Variants in C7orf57 observed in about 807,000 individuals in gnomAD.
C7orf57 encodes chromosome 7 open reading frame 57.
Under a neutral mutation model 39.0 loss-of-function variants are expected in C7orf57, and 33 were observed. The ratio of observed to expected loss-of-function variants is 0.85; its 90% confidence interval spans 0.64 to 1.13. The LOEUF is 1.13. Ranked by LOEUF, C7orf57 falls within the 50% of genes most tolerant of loss-of-function variation. The pLI, the probability that C7orf57 is intolerant of heterozygous loss-of-function variation, is 0.00. For synonymous variants in C7orf57, 124 were observed against 137.1 expected (o/e 0.90, Z 0.67); for missense variants, 346 against 362.3 (o/e 0.95, Z 0.37).
In C7orf57 at chr7:48,045,650, A is replaced by T. The variant is rs548043169; in HGVS notation, c.351-810A>T. 3.9e-5 allele frequency among the ~76,000 whole-genome samples: 6 copies of T among 152,202 alleles called. No homozygotes were observed. In the East Asian group the frequency reaches 9.7e-4, roughly 25 times the overall value. On this transcript the variant is annotated intron_variant, in intron 4 of 8. Coordinates refer to ENST00000348904, the MANE Select transcript of C7orf57 (RefSeq NM_001100159.3). ...GAGCCCTGAACAAGTACAAATGAGG[A>T]GCAGGACATGGGGGCATCCCTGCAG...
At chr7:48,047,290 A>G (rs1790745487) in intron 5 of C7orf57, among the ~76,000 whole-genome samples, 1 of 152,188 alleles carries the variant, frequency 6.6e-6, no homozygotes, top group African/African-American at 2.4e-5. Context: ...GTCTCAGATT[A>G]GTCTCAGTTC....
At position 48,035,553 on chromosome 7, in the gene C7orf57, G is replaced by C; in HGVS notation, c.-179G>C. ...GCGCGCTGGGAGTTTGGGTTTGGTT[G>C]GCTGCAGCCAGCCAGCCGTGTAAAA... is the stretch of plus-strand genomic sequence containing the variant. On this transcript the variant is annotated 5_prime_UTR_variant, in exon 1 of 9. Coordinates refer to ENST00000348904, the MANE Select transcript of C7orf57 (RefSeq NM_001100159.3). The surrounding 1 kb of genome is among the most constrained non-coding windows in gnomAD (Gnocchi z 4.0). 1.4e-6 allele frequency: 1 copy of C among 698,528 alleles called. No homozygotes were observed. Among genetic ancestry groups the C allele is most frequent in the Non-Finnish European group, 2.6e-6 (1 of 383,662 alleles). The allele number at this position is 698,528 out of a possible 1,614,324, so 43.3% of individuals were successfully genotyped here.
intron 8 of C7orf57, among the ~76,000 whole-genome samples, chr7:48,059,134 C>A (rs963020302): frequency 6.6e-6 from 1 of 152,164 alleles, no homozygotes; most frequent in African/African-American, 2.4e-5. Flanking sequence ...AGTGCTAGAG[C>A]TTTTGACAAC....
intron 6 of C7orf57, among the ~76,000 whole-genome samples, chr7:48,051,835 CTTTCTTTCTTTCTTTCT>C (rs1562630126): frequency 2.0e-5 from 1 of 50,150 alleles, no homozygotes; most frequent in African/African-American, 1.0e-4. Context: ...TTCTTTCTTT[CTTTCTTTCTTTCTTTCT>C]TTCTTTCTTT....
chr7:48,046,666 G>A (rs764494251), intron 5 of C7orf57, 50 bp downstream of exon 5: 2 of 1,571,636 alleles, frequency 1.3e-6, no homozygotes, highest in Non-Finnish European at 8.6e-7. Context: ...TTGCTTCTGT[G>A]GTCTCGAGTA....
rs1562629931 is a variant in C7orf57, at chr7:48,051,814, CTTCTCTTTCT to C, written c.606-881_606-872del. Among the ~76,000 whole-genome samples, 5 of 42,410 alleles carry C rather than the reference CTTCTCTTTCT, an allele frequency of 1.2e-4. 2 individuals are homozygous for C. The highest frequency in any genetic ancestry group is 2.4e-4 in the African/African-American group (2 of 8,500). 27.8% of individuals were successfully genotyped at this position (42,410 alleles called of 152,430 possible). ...TCTTTCTTTCCTTCCTTCCTTTTCT[CTTCTCTTTCT>C]TTCTTTCTTTCTTTCTTTCTTTCTT... On this transcript the variant is annotated intron_variant, in intron 6 of 8. Transcript: ENST00000348904.
At position 48,051,791 on chromosome 7, in the gene C7orf57, TTTCTTTCC is replaced by T. The variant is rs1319570521; in HGVS notation, c.606-905_606-898del. 1.4e-3 allele frequency among the ~76,000 whole-genome samples: 123 copies of T among 86,992 alleles called. 7 individuals are homozygous for T. Among genetic ancestry groups the T allele is most frequent in the African/African-American group, 5.5e-3 (119 of 21,692 alleles). 57.1% of individuals were successfully genotyped at this position (86,992 alleles called of 152,430 possible). ...CTTTCTTTCTTTCTTTCTTTCTTTC[TTTCTTTCC>T]TTCCTTCCTTTTCTCTTCTCTTTCT... On this transcript the variant is annotated intron_variant, in intron 6 of 8. Transcript: ENST00000348904.
intron 3 of C7orf57, 65 bp from the exon 4 acceptor site, chr7:48,043,416 G>A: frequency 8.2e-7 from 1 of 1,214,988 alleles, no homozygotes; most frequent in Non-Finnish European, 1.2e-6. Flanking sequence ...CCTATCACTG[G>A]CAATGCTGTG....
intron 8 of C7orf57, among the ~76,000 whole-genome samples, chr7:48,058,089 G>T (rs1791180208): frequency 6.6e-6 from 1 of 152,066 alleles, no homozygotes. Context: ...TGTTGAATTT[G>T]GTTTGCTAGT....
intron 3 of C7orf57, 108 bp from the exon 4 acceptor site, chr7:48,043,373 C>T (rs974576515): frequency 2.6e-6 from 2 of 784,294 alleles, no homozygotes; most frequent in African/African-American, 1.8e-5. Context: ...GAGGCAACTA[C>T]AGGGAGACCT....
intron 8 of C7orf57, among the ~76,000 whole-genome samples, chr7:48,056,619 G>C (rs1203658373): frequency 6.6e-6 from 1 of 152,050 alleles, no homozygotes; most frequent in Non-Finnish European, 1.5e-5. Context: ...GAACATTTCG[G>C]ATTTTGGATT....
At chr7:48,046,660 T>G (rs761290004) in intron 5 of C7orf57, 44 bp downstream of exon 5, 1 of 1,581,966 alleles carries the variant, frequency 6.3e-7, no homozygotes, top group Non-Finnish European at 8.6e-7. Context: ...TCCGCTTTGC[T>G]TCTGTGGTCT....
intron 3 of C7orf57, 93 bp from the exon 4 acceptor site, chr7:48,043,388 T>A: frequency 1.1e-6 from 1 of 900,140 alleles, no homozygotes; most frequent in Non-Finnish European, 1.8e-6. Context: ...AGACCTACAG[T>A]TCGCCTTGTA....
chr7:48,040,510 A>G (rs1790515638), intron 2 of C7orf57, among the ~76,000 whole-genome samples: 1 of 152,072 alleles, frequency 6.6e-6, no homozygotes. Flanking sequence ...AACCATCTAG[A>G]CCTCTGGCCA....
intron 2 of C7orf57, among the ~76,000 whole-genome samples, chr7:48,037,766 T>A (rs1202217320): frequency 1.3e-5 from 2 of 151,876 alleles, no homozygotes; most frequent in Non-Finnish European, 2.9e-5. Flanking sequence ...TGTGTGTGTG[T>A]GTGCGCGCGC....
At chr7:48,054,870 T>TGATGATG (rs1351146822) in intron 8 of C7orf57, among the ~76,000 whole-genome samples, 7 of 148,712 alleles carry the variant, frequency 4.7e-5, no homozygotes, top group African/African-American at 1.8e-4. Flanking sequence ...TGATGATGAT[T>TGATGATG]ATTATTATTA....
At chr7:48,047,717 A>G (rs1009342447) in intron 5 of C7orf57, among the ~76,000 whole-genome samples, 1 of 151,908 alleles carries the variant, frequency 6.6e-6, no homozygotes, top group Admixed American at 6.6e-5. Flanking sequence ...TATTTTTTTA[A>G]TTAGAGAGAA....
chr7:48,053,009 C>T lies in C7orf57; in HGVS notation c.829+86C>T, dbSNP rs533804698. The T allele has an allele frequency of 1.6e-4, 167 of 1,077,188 alleles. 1 individual carries two copies. The highest frequency in any genetic ancestry group is 3.0e-4 in the Admixed American group (15 of 50,290). The allele number at this position is 1,077,188 out of a possible 1,614,324, so 66.7% of individuals were successfully genotyped here. A position where few individuals can be genotyped will look rare whatever the true frequency, so the allele number is the denominator to read the frequency against. On this transcript the variant is annotated intron_variant, in intron 7 of 8. Coordinates refer to ENST00000348904, the MANE Select transcript of C7orf57 (RefSeq NM_001100159.3). Reference sequence around the variant, plus strand: ...GACGTTCTTATCACATGATGCGTCTCGTAATGAGAAATGAGTAACCCAAAA... The same window carrying T: ...GACGTTCTTATCACATGATGCGTCTTGTAATGAGAAATGAGTAACCCAAAA...
At chr7:48,054,916 GC>G (rs1381082117) in intron 8 of C7orf57, among the ~76,000 whole-genome samples, 1 of 151,824 alleles carries the variant, frequency 6.6e-6, no homozygotes, top group East Asian at 1.9e-4. Flanking sequence ...TCGCTCTGTC[GC>G]CCAGGCTGGA....
Sources: gnomAD v4.1 joint callset for allele counts (sites outside exome capture counted in the v4.1 genomes callset) on GRCh38, gnomAD v4.1.1 for gene constraint, Gnocchi (gnomAD v3.1) non-coding constraint, MANE v1.5 for transcripts, NCBI Gene and HGNC (gene_info 2026-07-23, HGNC 2026-07-21) for gene names.